The following GRIP1 variants were observed in gnomAD, a reference collection of about 807,000 sequenced individuals.
GRIP1 encodes glutamate receptor interacting protein 1, also known as glutamate receptor-interacting protein 1.
GRIP1 carries 45 observed loss-of-function variants against 129.9 expected under a neutral mutation model. The observed-to-expected ratio is 0.35, with a 90% CI of 0.27 to 0.44. The LOEUF is 0.44. Among genes scored for constraint, GRIP1 ranks in the 20% least tolerant of loss-of-function variants. The pLI, the probability that GRIP1 is intolerant of heterozygous loss-of-function variation, is 1.00. For missense variants in GRIP1, 1,196 were observed against 1,396.8 expected, an observed-to-expected ratio of 0.86 and a Z score of 2.29; for synonymous variants, 530 against 520.8, an observed-to-expected ratio of 1.02 and a Z score of -0.24.
chr12:66,641,943 G>C (rs1042809025), intron 1 of GRIP1, among the ~76,000 whole-genome samples: 6 of 152,148 alleles, frequency 3.9e-5, no homozygotes, highest in Non-Finnish European at 5.9e-5. Flanking sequence ...ATCCTGAATG[G>C]AAAAAATAAA....
intron 2 of GRIP1, among the ~76,000 whole-genome samples, chr12:66,565,592 G>A (rs1565866993): frequency 6.6e-6 from 1 of 152,210 alleles, no homozygotes; most frequent in African/African-American, 2.4e-5. Context: ...GCTTAGGACT[G>A]TCTTGGCAAT....
intron 1 of GRIP1, among the ~76,000 whole-genome samples, chr12:66,976,846 C>T (rs952468488): frequency 1.3e-5 from 2 of 152,208 alleles, no homozygotes; most frequent in Non-Finnish European, 2.9e-5. Context: ...CTCTTCCAAA[C>T]TCTTCTTTAC....
At chr12:66,700,525 G>T (rs1844248245) in intron 1 of GRIP1, among the ~76,000 whole-genome samples, 1 of 151,670 alleles carries the variant, frequency 6.6e-6, no homozygotes, top group Admixed American at 6.6e-5. Flanking sequence ...ACAGCTCACT[G>T]CAGCCTCAAA....
At chr12:66,498,258 A>G (rs930419848) in intron 7 of GRIP1, among the ~76,000 whole-genome samples, 1 of 152,224 alleles carries the variant, frequency 6.6e-6, no homozygotes, top group African/African-American at 2.4e-5. Flanking sequence ...GTGGAGTGGG[A>G]CAAATAAAAG....
rs190256281 is a variant in GRIP1 at position 66,438,641 on chromosome 12, A to G, written c.1687+5943T>C. 3.2e-3 allele frequency among the ~76,000 whole-genome samples: 479 copies of G among 152,038 alleles called. 2 individuals are homozygous for G. The highest frequency in any genetic ancestry group is 0.024 in the Middle Eastern group (7 of 294). On this transcript the variant is annotated intron_variant, in intron 13 of 24. Coordinates refer to ENST00000359742, the MANE Select transcript of GRIP1 (RefSeq NM_001366722.1). ...CTCCCTGGTAGCTAGGATCACAGGC[A>G]CACACCACCATGCTAGGCTAATTTT...
In GRIP1 at chr12:66,361,667, C is replaced by T. The variant is rs533820898; in HGVS notation, c.3013-8104G>A. ...CCACCACCAAGCTGGCTGGCTGTGG[C>T]GGAGTCCCTGTTGCGGGTGTCTTTG... On this transcript the variant is annotated intron_variant, in intron 23 of 24. Coordinates refer to ENST00000359742, the MANE Select transcript of GRIP1 (RefSeq NM_001366722.1). Among the ~76,000 whole-genome samples, 8 of 152,072 alleles carry T rather than the reference C, an allele frequency of 5.3e-5. No individual in the cohort carries two copies. In the East Asian group the frequency reaches 5.9e-4, roughly 11 times the overall value.
intron 1 of GRIP1, among the ~76,000 whole-genome samples, chr12:66,689,228 C>T (rs186655281): frequency 3.3e-5 from 5 of 152,252 alleles, no homozygotes; most frequent in Admixed American, 2.0e-4. Flanking sequence ...CTTGTGTTGA[C>T]AGTAATCCAA....
chr12:66,404,328 G>C (rs1422512660), intron 16 of GRIP1, among the ~76,000 whole-genome samples: 1 of 152,166 alleles, frequency 6.6e-6, no homozygotes, highest in Non-Finnish European at 1.5e-5. Flanking sequence ...TCTAGATCTA[G>C]ATGACCTGAT....
chr12:66,396,917 C>T (rs2056811292), intron 16 of GRIP1, among the ~76,000 whole-genome samples: 1 of 150,192 alleles, frequency 6.7e-6, no homozygotes, highest in Non-Finnish European at 1.5e-5. Flanking sequence ...TCAAGACCAG[C>T]CTGGCCAACG....
In GRIP1 at chr12:66,949,930, G is replaced by A. The variant is rs189605751; in HGVS notation, c.58+119120C>T. ...ACTACAGGTGCCCGCCACCACGCCCGGCTAATTTTTTGTATTTTTGTATTT... is the reference window on the plus strand; with the variant it reads ...ACTACAGGTGCCCGCCACCACGCCCAGCTAATTTTTTGTATTTTTGTATTT... On this transcript the variant is annotated intron_variant, in intron 1 of 1. Transcript: ENST00000643019. Among the ~76,000 whole-genome samples, 24 of 151,630 alleles carry A rather than the reference G, an allele frequency of 1.6e-4. No individual in the cohort carries two copies. The East Asian group carries it at 2.7e-3, about 17-fold the overall frequency.
At chr12:66,398,707 A>G (rs934829489) in intron 16 of GRIP1, among the ~76,000 whole-genome samples, 2 of 152,000 alleles carry the variant, frequency 1.3e-5, no homozygotes, top group Non-Finnish European at 2.9e-5. Context: ...TAATGAGAGA[A>G]GTTAAATATT....
chr12:66,551,723 G>A (rs1482136930), intron 2 of GRIP1, among the ~76,000 whole-genome samples: 1 of 151,980 alleles, frequency 6.6e-6, no homozygotes, highest in East Asian at 1.9e-4. Context: ...ACTAGGCCCA[G>A]CTAATTTTTT....
chr12:66,625,578 A>G (rs1194534592), intron 1 of GRIP1, among the ~76,000 whole-genome samples: 1 of 152,186 alleles, frequency 6.6e-6, no homozygotes, highest in Non-Finnish European at 1.5e-5. Context: ...TTCTGACAGT[A>G]GGTATAAAAT....
intron 7 of GRIP1, among the ~76,000 whole-genome samples, chr12:66,491,044 C>T (rs1310040847): frequency 6.6e-6 from 1 of 152,190 alleles, no homozygotes; most frequent in East Asian, 1.9e-4. Flanking sequence ...TTGTGGAAGA[C>T]AGTGTGGCAA....
chr12:66,641,611 C>A (rs1300702706), intron 1 of GRIP1, among the ~76,000 whole-genome samples: 3 of 152,106 alleles, frequency 2.0e-5, no homozygotes, highest in African/African-American at 7.2e-5. Context: ...TTAGTGCAAG[C>A]ACAGTTACAC....
chr12:66,949,470 A>T (rs1329536115), intron 1 of GRIP1, among the ~76,000 whole-genome samples: 2 of 152,224 alleles, frequency 1.3e-5, no homozygotes, highest in Non-Finnish European at 2.9e-5. Flanking sequence ...CTAAGATGAG[A>T]CTTGGCAGGC....
At chr12:66,963,450 G>T (rs1699404596) in intron 1 of GRIP1, among the ~76,000 whole-genome samples, 1 of 152,002 alleles carries the variant, frequency 6.6e-6, no homozygotes, top group Non-Finnish European at 1.5e-5. Context: ...TATAATAAAG[G>T]TAGGGATTAT....
chr12:66,506,767 C>G (rs545868298), intron 7 of GRIP1, among the ~76,000 whole-genome samples: 10 of 152,184 alleles, frequency 6.6e-5, no homozygotes, highest in African/African-American at 1.9e-4. Context: ...TAGGGTAACT[C>G]TTTTCTCACC....
chr12:66,479,108 A>AG (rs1383104914), intron 7 of GRIP1, among the ~76,000 whole-genome samples: 1 of 150,958 alleles, frequency 6.6e-6, no homozygotes, highest in Non-Finnish European at 1.5e-5. Flanking sequence ...TAAAACAGAA[A>AG]AAAAAATCAA....
Sources: gnomAD v4.1 joint callset for allele counts (sites outside exome capture counted in the v4.1 genomes callset) on GRCh38, gnomAD v4.1.1 for gene constraint, MANE v1.5 for transcripts, NCBI Gene and HGNC (gene_info 2026-07-23, HGNC 2026-07-21) for gene names.